Variants in HMCN1 observed in about 807,000 individuals in gnomAD.
The protein encoded by HMCN1 is hemicentin-1.
Under a neutral mutation model 625.9 loss-of-function variants are expected in HMCN1, and 321 were observed. That is an observed-to-expected ratio of 0.51 (90% CI 0.47 to 0.56). The LOEUF is 0.56. Among genes scored for constraint, HMCN1 ranks in the 20% least tolerant of loss-of-function variants. The pLI is 0.00. For synonymous variants in HMCN1, 2,425 were observed against 2,417.6 expected (o/e 1.00, Z -0.09); for missense variants, 6,588 against 6,887.3 (o/e 0.96, Z 1.54).
intron 52 of HMCN1, among the ~76,000 whole-genome samples, chr1:186,073,136 G>T (rs1169951051): frequency 6.6e-6 from 1 of 152,062 alleles, no homozygotes; most frequent in Non-Finnish European, 1.5e-5. Flanking sequence ...TAAGCCTCAG[G>T]GTACTCCTGT....
chr1:186,019,891 AACTT>A (rs1654607502), intron 35 of HMCN1, among the ~76,000 whole-genome samples, 196 bp downstream of exon 35: 1 of 152,040 alleles, frequency 6.6e-6, no homozygotes, highest in Non-Finnish European at 1.5e-5. Context: ...ATTAAAGACT[AACTT>A]TAACAATGAT....
chr1:185,994,684 G>A (rs1051610409), intron 23 of HMCN1, 131 bp from the exon 24 acceptor site: 10 of 867,660 alleles, frequency 1.2e-5, no homozygotes, highest in African/African-American at 8.3e-5. Context: ...TGAATGATCC[G>A]AGCCTAGGTC....
intron 1 of HMCN1, among the ~76,000 whole-genome samples, chr1:185,781,795 G>A (rs1304356182): frequency 2.6e-5 from 4 of 152,188 alleles, no homozygotes; most frequent in African/African-American, 4.8e-5. Context: ...GAATAAGTGC[G>A]ATGTGGTGCT....
At chr1:185,871,755 A>C (rs987737466) in intron 4 of HMCN1, among the ~76,000 whole-genome samples, 2 of 152,300 alleles carry the variant, frequency 1.3e-5, no homozygotes, top group South Asian at 2.1e-4. Context: ...CTTAAAAAAA[A>C]CTGTAAACTT....
intron 1 of HMCN1, 52 bp from the exon 2 acceptor site, chr1:185,845,973 CT>C: frequency 5.2e-6 from 6 of 1,160,022 alleles, no homozygotes; most frequent in Non-Finnish European, 7.8e-6. Context: ...ACAAGAAAGT[CT>C]TTAATGCCAT....
At chr1:186,050,131 A>G (rs1400033757) in intron 42 of HMCN1, among the ~76,000 whole-genome samples, 1 of 151,586 alleles carries the variant, frequency 6.6e-6, no homozygotes, top group African/African-American at 2.4e-5. Context: ...CAATATGGAC[A>G]AGACACTAGG....
chr1:186,065,629 G>T (rs1321700961), intron 49 of HMCN1, among the ~76,000 whole-genome samples, 200 bp downstream of exon 49: 5 of 152,126 alleles, frequency 3.3e-5, no homozygotes, highest in African/African-American at 1.2e-4. Context: ...CTATGTTCTA[G>T]GCACAGTGTT....
In HMCN1 at chr1:186,126,046, A is replaced by C. The variant is rs137943144; in HGVS notation, c.12690+252A>C. Among the ~76,000 whole-genome samples, 166 of 152,272 alleles carry C rather than the reference A, an allele frequency of 1.1e-3. 1 individual carries two copies. The Middle Eastern group carries it at 0.024, about 22-fold the overall frequency. The stretch of plus-strand genomic sequence containing the variant: ...TTGTGGAAATATGTGTTTATCAGGA[A>C]AAATTTTAAGTGCCAGTGCTATATT... On this transcript the variant is annotated intron_variant, in intron 82 of 106. Coordinates refer to ENST00000271588, the MANE Select transcript of HMCN1 (RefSeq NM_031935.3).
chr1:186,179,183 C>T (rs968563136), intron 104 of HMCN1, among the ~76,000 whole-genome samples: 7 of 152,146 alleles, frequency 4.6e-5, no homozygotes, highest in Non-Finnish European at 1.0e-4. Flanking sequence ...TTCAGCTTCT[C>T]GGTCGACTGC....
intron 1 of HMCN1, among the ~76,000 whole-genome samples, chr1:185,825,885 G>A (rs1660482329): frequency 6.6e-6 from 1 of 152,126 alleles, no homozygotes; most frequent in African/African-American, 2.4e-5. Flanking sequence ...AAAAGTATTT[G>A]GAGGAGACGA....
intron 1 of HMCN1, among the ~76,000 whole-genome samples, chr1:185,782,692 G>A (rs1011702460): frequency 6.6e-6 from 1 of 152,338 alleles, no homozygotes; most frequent in African/African-American, 2.4e-5. Context: ...CTTCTGGCTT[G>A]TAGAGTTTCT....
chr1:185,770,432 A>C (rs1443352286), intron 1 of HMCN1, among the ~76,000 whole-genome samples: 1 of 152,256 alleles, frequency 6.6e-6, no homozygotes, highest in East Asian at 1.9e-4. Flanking sequence ...GAAAAGGAAC[A>C]CATAAAGAAA....
At chr1:185,839,655 A>G (rs751772499) in intron 1 of HMCN1, among the ~76,000 whole-genome samples, 1 of 152,140 alleles carries the variant, frequency 6.6e-6, no homozygotes, top group South Asian at 2.1e-4. Flanking sequence ...ATCCTACTCT[A>G]TATACCTCAA....
At chr1:185,766,397 G>A (rs1461183682) in intron 1 of HMCN1, among the ~76,000 whole-genome samples, 4 of 152,088 alleles carry the variant, frequency 2.6e-5, no homozygotes, top group Non-Finnish European at 5.9e-5. Context: ...CCATGGTAGG[G>A]AGTTTAAGAG....
chr1:186,038,370 T>A (rs957784672), intron 37 of HMCN1, among the ~76,000 whole-genome samples: 1 of 152,200 alleles, frequency 6.6e-6, no homozygotes, highest in Middle Eastern at 3.2e-3. Context: ...TGAAGCTAGA[T>A]AAAATTGTCG....
At chr1:186,132,492 A>C in intron 86 of HMCN1, 83 bp downstream of exon 86, 1 of 1,125,630 alleles carries the variant, frequency 8.9e-7, no homozygotes, top group Non-Finnish European at 1.3e-6. Context: ...TTAACTCTAT[A>C]GCAAGTTCAT....
At chr1:186,063,071 T>TATATAC (rs1553285801) in intron 48 of HMCN1, among the ~76,000 whole-genome samples, 1 of 82,868 alleles carries the variant, frequency 1.2e-5, no homozygotes, top group Non-Finnish European at 2.4e-5. Context: ...TGTGTGCATA[T>TATATAC]ATATATATAT....
intron 1 of HMCN1, among the ~76,000 whole-genome samples, chr1:185,807,480 G>C (rs541790925): frequency 9.2e-5 from 14 of 152,238 alleles, no homozygotes; most frequent in African/African-American, 2.6e-4. Flanking sequence ...TTCACATATG[G>C]TTATATGCAG....
At chr1:185,915,126 A>C (rs1666630068) in intron 6 of HMCN1, among the ~76,000 whole-genome samples, 1 of 152,094 alleles carries the variant, frequency 6.6e-6, no homozygotes, top group African/African-American at 2.4e-5. Context: ...ATAAAGAGTC[A>C]ACTCATTTGT....
Sources: allele counts gnomAD v4.1 joint callset (sites outside exome capture counted in the v4.1 genomes callset), GRCh38; gene constraint gnomAD v4.1.1; transcripts MANE v1.5; gene names NCBI Gene and HGNC (gene_info 2026-07-23, HGNC 2026-07-21).